Variants in TMEM117 observed in about 807,000 individuals in gnomAD.
The protein encoded by TMEM117 is transmembrane protein 117.
In TMEM117, 27 loss-of-function variants were observed where a neutral mutation model predicts 52.4. The observed-to-expected ratio is 0.51, with a 90% CI of 0.38 to 0.71. The LOEUF is 0.71. Among genes scored for constraint, TMEM117 ranks in the 30% least tolerant of loss-of-function variants. TMEM117 has a pLI of 0.00. For synonymous variants in TMEM117, 215 were observed against 206.3 expected, an observed-to-expected ratio of 1.04 and a Z score of -0.36; for missense variants, 556 against 630.5, an observed-to-expected ratio of 0.88 and a Z score of 1.26.
At chr12:44,397,105 G>C in the TMEM117 span, among the ~76,000 whole-genome samples, 6 of 152,166 alleles carry the variant, frequency 3.9e-5, no homozygotes. Context: ...TATCAAGTAA[G>C]GGAGGCCCAC....
intron 3 of TMEM117, among the ~76,000 whole-genome samples, chr12:44,085,196 T>G (rs912616940): frequency 1.6e-4 from 25 of 152,190 alleles, no homozygotes; most frequent in Admixed American, 2.6e-4. Context: ...GAGGCCTACT[T>G]TTACACGTGT....
intron 5 of TMEM117, among the ~76,000 whole-genome samples, chr12:44,258,511 G>A (rs1329677544): frequency 2.0e-5 from 3 of 152,076 alleles, no homozygotes; most frequent in African/African-American, 7.2e-5. Context: ...GGAAAAAAAA[G>A]ATTAGAGTGT....
At chr12:44,273,124 GA>G (rs573133090) in intron 5 of TMEM117, among the ~76,000 whole-genome samples, 6 of 151,962 alleles carry the variant, frequency 3.9e-5, no homozygotes, top group Non-Finnish European at 5.9e-5. Context: ...CACAAGGACA[GA>G]AAACCAAACA....
the TMEM117 span, among the ~76,000 whole-genome samples, chr12:43,817,293 A>C: frequency 6.6e-6 from 1 of 152,234 alleles, no homozygotes; most frequent in Non-Finnish European, 1.5e-5. Flanking sequence ...TATTTCTGCT[A>C]TAAGAGTTAT....
Position 43,999,573 on chromosome 12 carries a change from C to T in TMEM117, c.410+55231C>T, listed in dbSNP as rs79209508. Reference sequence around the variant, plus strand: ...TAGCTCACTCACTCTGCCTCCTGGGCGGAAGTGTTTCCTACCACCTCAGCC... The same window carrying T: ...TAGCTCACTCACTCTGCCTCCTGGGTGGAAGTGTTTCCTACCACCTCAGCC... On this transcript the variant is annotated intron_variant, in intron 3 of 7. Coordinates refer to ENST00000266534, the MANE Select transcript of TMEM117 (RefSeq NM_032256.3). Among the ~76,000 whole-genome samples, 770 of 152,210 alleles carry T rather than the reference C, an allele frequency of 5.1e-3. 4 individuals are homozygous for T. Among genetic ancestry groups the T allele is most frequent in the Middle Eastern group, 0.017 (5 of 294 alleles).
intron 4 of TMEM117, among the ~76,000 whole-genome samples, chr12:44,172,257 T>C (rs1346944765): frequency 6.6e-6 from 1 of 152,206 alleles, no homozygotes; most frequent in African/African-American, 2.4e-5. Flanking sequence ...CAGAAATGTG[T>C]TCTCTCCCAG....
chr12:44,335,437 A>AT (rs1951328517), intron 6 of TMEM117, among the ~76,000 whole-genome samples: 1 of 152,084 alleles, frequency 6.6e-6, no homozygotes, highest in Non-Finnish European at 1.5e-5. Context: ...ATTGATCATC[A>AT]TAGCAGTTCA....
At chr12:44,277,753 ACT>A (rs940724034) in intron 5 of TMEM117, among the ~76,000 whole-genome samples, 1 of 137,732 alleles carries the variant, frequency 7.3e-6, no homozygotes, top group African/African-American at 2.8e-5. Context: ...GCCAGACAAA[ACT>A]CTGAGCTTTT....
At chr12:44,034,273 G>A (rs1300531032) in intron 3 of TMEM117, among the ~76,000 whole-genome samples, 1 of 152,150 alleles carries the variant, frequency 6.6e-6, no homozygotes. Flanking sequence ...AGCCAAGAAA[G>A]TAAAGGAAAT....
At chr12:43,982,040 CA>C (rs1945769488) in intron 3 of TMEM117, among the ~76,000 whole-genome samples, 2 of 152,106 alleles carry the variant, frequency 1.3e-5, no homozygotes, top group Non-Finnish European at 1.5e-5. Flanking sequence ...AGGATAAATG[CA>C]TGAGTTGATG....
At chr12:43,832,269 C>T (rs191658164), upstream of TMEM117, among the ~76,000 whole-genome samples, 11 of 152,286 alleles carry the variant, frequency 7.2e-5, no homozygotes, top group Admixed American at 3.3e-4. Flanking sequence ...TTTCATAGAA[C>T]GGTAATGTTT....
intron 3 of TMEM117, among the ~76,000 whole-genome samples, chr12:44,098,629 T>G (rs1478882610): frequency 6.6e-6 from 1 of 152,070 alleles, no homozygotes; most frequent in Non-Finnish European, 1.5e-5. Context: ...GCTAAACCCC[T>G]TCTTAGACTT....
chr12:44,196,101 TAAAAG>T (rs1024189233), intron 4 of TMEM117, among the ~76,000 whole-genome samples: 1 of 151,296 alleles, frequency 6.6e-6, no homozygotes, highest in Non-Finnish European at 1.5e-5. Context: ...AAAGAAAAAA[TAAAAG>T]AAAGAATAAG....
chr12:44,138,886 C>T (rs1183950784), intron 3 of TMEM117, among the ~76,000 whole-genome samples: 1 of 152,136 alleles, frequency 6.6e-6, no homozygotes, highest in Non-Finnish European at 1.5e-5. Context: ...TTAATCATTT[C>T]ACTACAAACA....
rs199543719 is a variant in TMEM117 at position 44,038,061 on chromosome 12, T to A, written c.410+93719T>A. Among the ~76,000 whole-genome samples the A allele has an allele frequency of 7.9e-5, 12 of 152,280 alleles. No individual in the cohort carries two copies. In the East Asian group the frequency reaches 2.3e-3, roughly 30 times the overall value. ...TCACTCACTAAAGCCCTTCTTTATCTTGCTCACCTTCCACTTGTCTGCATA... is the reference window on the plus strand; with the variant it reads ...TCACTCACTAAAGCCCTTCTTTATCATGCTCACCTTCCACTTGTCTGCATA... On this transcript the variant is annotated intron_variant, in intron 3 of 7. Transcript: ENST00000266534.
chr12:44,031,510 C>G (rs1946632186), intron 3 of TMEM117, among the ~76,000 whole-genome samples: 1 of 152,202 alleles, frequency 6.6e-6, no homozygotes, highest in Non-Finnish European at 1.5e-5. Flanking sequence ...TCAGGACTCT[C>G]ATTGATAGCT....
In TMEM117 at chr12:44,311,869, A is replaced by ATG. The variant is rs59845807; in HGVS notation, c.768+12131_768+12132insGT. On this transcript the variant is annotated intron_variant, in intron 6 of 7. Coordinates refer to ENST00000266534, the MANE Select transcript of TMEM117 (RefSeq NM_032256.3). The stretch of plus-strand genomic sequence containing the variant: ...TATATGTATATATGTATATATATGT[A>ATG]TATATATGTATATATGTATATATAT... Among the ~76,000 whole-genome samples, 414 of 69,850 alleles carry ATG rather than the reference A, an allele frequency of 5.9e-3. 1 individual carries two copies. Among genetic ancestry groups the ATG allele is most frequent in the African/African-American group, 0.025 (390 of 15,654 alleles). 45.8% of individuals were successfully genotyped at this position (69,850 alleles called of 152,430 possible). A position where few individuals can be genotyped will look rare whatever the true frequency, so the allele number is the denominator to read the frequency against.
intron 6 of TMEM117, among the ~76,000 whole-genome samples, chr12:44,335,707 C>A (rs1185062990): frequency 6.6e-6 from 1 of 151,974 alleles, no homozygotes; most frequent in Non-Finnish European, 1.5e-5. Context: ...TGAAGCTTTT[C>A]ACTTTTTTGT....
At position 43,855,892 on chromosome 12, in the gene TMEM117, G is replaced by T. The variant is rs141598641; in HGVS notation, c.277+10964G>T. Among the ~76,000 whole-genome samples, 1,180 of 152,260 alleles carry T rather than the reference G, an allele frequency of 7.7e-3. 27 individuals carry two copies. Among genetic ancestry groups the T allele is most frequent in the East Asian group, 0.042 (218 of 5,180 alleles). On this transcript the variant is annotated intron_variant, in intron 2 of 7. Transcript: ENST00000266534. Reference sequence around the variant, plus strand: ...GAGGTTAAAAGATTCTGAAAAGCATGGTCAAGGTAGTCATGGTAATACAGG... The same window carrying T: ...GAGGTTAAAAGATTCTGAAAAGCATTGTCAAGGTAGTCATGGTAATACAGG...
Sources: gnomAD v4.1 joint callset for allele counts (sites outside exome capture counted in the v4.1 genomes callset) on GRCh38, gnomAD v4.1.1 for gene constraint, MANE v1.5 for transcripts, NCBI Gene and HGNC (gene_info 2026-07-23, HGNC 2026-07-21) for gene names.